The following SMG7 variants were observed in gnomAD, a reference collection of about 807,000 sequenced individuals.
SMG7 encodes SMG7 nonsense mediated mRNA decay factor.
Under a neutral mutation model 148.2 loss-of-function variants are expected in SMG7, and 34 were observed. The ratio of observed to expected loss-of-function variants is 0.23; its 90% confidence interval spans 0.17 to 0.31. The LOEUF (loss-of-function observed/expected upper bound fraction) is 0.31, where lower values mean the gene tolerates loss of function less well. SMG7 is among the 10% of genes least tolerant of loss of function. The probability of loss-of-function intolerance (pLI) is 1.00; values close to 1 mark genes in which losing one functional copy is unlikely to be tolerated. For synonymous variants in SMG7, 492 were observed against 515.1 expected, an observed-to-expected ratio of 0.96 and a Z score of 0.61; for missense variants, 1,114 against 1,408.4, an observed-to-expected ratio of 0.79 and a Z score of 3.35.
At chr1:183,533,395 T>C in intron 9 of SMG7, 69 bp downstream of exon 9, 1 of 1,451,682 alleles carries the variant, frequency 6.9e-7, no homozygotes, top group South Asian at 1.2e-5. Context: ...TTCATCGATG[T>C]AGCAAAGCAC....
At chr1:183,541,130 C>T in intron 13 of SMG7, 27 bp downstream of exon 13, 1 of 1,606,482 alleles carries the variant, frequency 6.2e-7, no homozygotes, top group South Asian at 1.1e-5. Flanking sequence ...TGGTCTACCC[C>T]TTTTTAACCA....
chr1:183,512,130 C>T (rs1662285395), intron 1 of SMG7, among the ~76,000 whole-genome samples: 1 of 151,988 alleles, frequency 6.6e-6, no homozygotes, highest in Non-Finnish European at 1.5e-5. Context: ...GATACTTGGA[C>T]ATGTTAAAAT....
At chr1:183,505,510 G>A (rs549281053) in intron 1 of SMG7, among the ~76,000 whole-genome samples, 34 of 152,222 alleles carry the variant, frequency 2.2e-4, no homozygotes, top group African/African-American at 7.9e-4. Flanking sequence ...GAGTTTGTGG[G>A]CAGTTACATT....
intron 1 of SMG7, among the ~76,000 whole-genome samples, chr1:183,479,676 T>TAGAG (rs1653585512): frequency 6.6e-6 from 1 of 152,200 alleles, no homozygotes; most frequent in Non-Finnish European, 1.5e-5. Context: ...ACTTATTGTA[T>TAGAG]AGAGCACAAT....
intron 1 of SMG7, 112 bp from the exon 2 acceptor site, chr1:183,512,725 A>G (rs1228692479): frequency 8.1e-6 from 8 of 990,538 alleles, no homozygotes; most frequent in South Asian, 1.6e-5. Context: ...GCTGCTGTAT[A>G]TCCTTATCGT....
intron 14 of SMG7, among the ~76,000 whole-genome samples, chr1:183,542,915 T>C (rs941531102): frequency 3.4e-5 from 5 of 145,534 alleles, no homozygotes; most frequent in Non-Finnish European, 7.5e-5. Flanking sequence ...AGATTCACTA[T>C]AATATATATA....
intron 16 of SMG7, among the ~76,000 whole-genome samples, chr1:183,545,744 C>T (rs1355604011): frequency 1.3e-5 from 2 of 152,094 alleles, no homozygotes; most frequent in Admixed American, 1.3e-4. Flanking sequence ...TTCATTAAAC[C>T]TCTTAAATAG....
At chr1:183,543,279 A>G (rs1572080589) in intron 14 of SMG7, among the ~76,000 whole-genome samples, 1 of 152,208 alleles carries the variant, frequency 6.6e-6, no homozygotes, top group South Asian at 2.1e-4. Flanking sequence ...AACACATTTT[A>G]GCAAATGTAT....
At chr1:183,522,991 T>G (rs1010989389) in intron 4 of SMG7, among the ~76,000 whole-genome samples, 1 of 152,074 alleles carries the variant, frequency 6.6e-6, no homozygotes, top group East Asian at 1.9e-4. Flanking sequence ...TGGTTTAGTT[T>G]TAACTTCTTA....
chr1:183,510,480 TATG>T (rs1661878859), intron 1 of SMG7, among the ~76,000 whole-genome samples: 1 of 152,154 alleles, frequency 6.6e-6, no homozygotes, highest in Non-Finnish European at 1.5e-5. Flanking sequence ...TGGAATTTGA[TATG>T]ATGTTACATT....
At chr1:183,502,002 C>A (rs1659838625) in intron 1 of SMG7, among the ~76,000 whole-genome samples, 1 of 152,112 alleles carries the variant, frequency 6.6e-6, no homozygotes, top group African/African-American at 2.4e-5. Context: ...CTGTAGTGAT[C>A]ACTCAGTTTT....
intron 4 of SMG7, among the ~76,000 whole-genome samples, chr1:183,520,095 T>C (rs1348590570): frequency 6.6e-6 from 1 of 151,880 alleles, no homozygotes; most frequent in Non-Finnish European, 1.5e-5. Flanking sequence ...AGGGAAATAA[T>C]CACATTTAAG....
chr1:183,502,872 C>A (rs1660051065), intron 1 of SMG7, among the ~76,000 whole-genome samples: 1 of 152,116 alleles, frequency 6.6e-6, no homozygotes, highest in Non-Finnish European at 1.5e-5. Flanking sequence ...GCTAGAGAAG[C>A]CCTCTTGTAC....
intron 1 of SMG7, among the ~76,000 whole-genome samples, chr1:183,491,864 T>TC (rs1415231135): frequency 2.0e-5 from 3 of 152,200 alleles, no homozygotes; most frequent in Non-Finnish European, 4.4e-5. Flanking sequence ...AGTCTCTGCT[T>TC]CCAAGATGGC....
chr1:183,540,172 C>T (rs1000850634), intron 12 of SMG7, among the ~76,000 whole-genome samples: 7 of 152,210 alleles, frequency 4.6e-5, no homozygotes, highest in African/African-American at 1.2e-4. Flanking sequence ...TACTGCCCTT[C>T]CATCACCAGC....
intron 1 of SMG7, among the ~76,000 whole-genome samples, chr1:183,499,216 G>A (rs554285027): frequency 2.6e-5 from 4 of 152,236 alleles, no homozygotes; most frequent in South Asian, 2.1e-4. Context: ...AAATAAAGCC[G>A]ATATGATATT....
intron 1 of SMG7, among the ~76,000 whole-genome samples, chr1:183,511,571 G>T (rs1228864976): frequency 6.6e-6 from 1 of 152,224 alleles, no homozygotes; most frequent in Non-Finnish European, 1.5e-5. Context: ...GGAGTGAAGA[G>T]TAGTGGAAGT....
chr1:183,533,121 C>T, intron 8 of SMG7, 43 bp from the exon 9 acceptor site: 3 of 1,560,006 alleles, frequency 1.9e-6, no homozygotes, highest in South Asian at 1.2e-5. Context: ...AAGATGGTTC[C>T]TGTTCTTGAT....
chr1:183,545,925 G>A, intron 16 of SMG7, 41 bp from the exon 17 acceptor site: 2 of 1,532,368 alleles, frequency 1.3e-6, no homozygotes, highest in Non-Finnish European at 1.7e-6. Context: ...AAGTAATATT[G>A]CATTTTATCC....
Sources: allele counts gnomAD v4.1 joint callset (sites outside exome capture counted in the v4.1 genomes callset), GRCh38; gene constraint gnomAD v4.1.1; transcripts MANE v1.5; gene names NCBI Gene and HGNC (gene_info 2026-07-23, HGNC 2026-07-21).